PATJ: variants seen among roughly 807,000 people sequenced by gnomAD.
The protein encoded by PATJ is PATJ crumbs cell polarity complex component, also known as inaD-like protein.
Under a neutral mutation model 224.9 loss-of-function variants are expected in PATJ, and 190 were observed. That is an observed-to-expected ratio of 0.84 (90% CI 0.75 to 0.95). The LOEUF (loss-of-function observed/expected upper bound fraction) is 0.95. Among genes scored for constraint, PATJ ranks in the 40% least tolerant of loss-of-function variants. The pLI, the probability that PATJ is intolerant of heterozygous loss-of-function variation, is 0.00. For synonymous variants in PATJ, 769 were observed against 820.3 expected, an observed-to-expected ratio of 0.94 and a Z score of 1.07; for missense variants, 2,121 against 2,270.3, an observed-to-expected ratio of 0.93 and a Z score of 1.34.
chr1:61,864,223 A>G lies in PATJ; in HGVS notation c.2440-15A>G, dbSNP rs1371125782. ...CAGGCGTAACTTCACATTTTTTTGC[A>G]TCTTTTATTTATAGGGATTTAGAGA... On this transcript the variant is annotated splice_polypyrimidine_tract_variant and intron_variant, in intron 19 of 43. Coordinates refer to ENST00000642238, the MANE Select transcript of PATJ (RefSeq NM_001350145.3). 7 of 1,581,824 alleles carry G rather than the reference A, an allele frequency of 4.4e-6. No individual in the cohort carries two copies. The highest frequency in any genetic ancestry group is 1.7e-4 in the Middle Eastern group (1 of 5,852).
intron 21 of PATJ, among the ~76,000 whole-genome samples, chr1:61,877,510 G>C (rs1039962437): frequency 6.6e-6 from 1 of 151,896 alleles, no homozygotes; most frequent in Non-Finnish European, 1.5e-5. Context: ...TTTATCATGA[G>C]AGCAGATTTC....
rs148531652 is a variant in PATJ, at chr1:61,922,647, AGTCACAT to A, written c.3571-5076_3571-5070del. 8.7e-3 allele frequency among the ~76,000 whole-genome samples: 1,326 copies of A among 152,314 alleles called. 7 individuals are homozygous for A. Among genetic ancestry groups the A allele is most frequent in the Middle Eastern group, 0.017 (5 of 294 alleles). ...ATTTAGGATTTTTGTTTCTGACTTC[AGTCACAT>A]GTCACAAAAGCACTGTTTAAACTTT... On this transcript the variant is annotated intron_variant, in intron 26 of 43. Transcript: ENST00000642238.
chr1:61,957,463 CT>C (rs1485091204), intron 27 of PATJ, among the ~76,000 whole-genome samples: 1 of 151,932 alleles, frequency 6.6e-6, no homozygotes, highest in African/African-American at 2.4e-5. Flanking sequence ...TGCTTTCCGT[CT>C]TTTTTTTCTT....
intron 17 of PATJ, among the ~76,000 whole-genome samples, chr1:61,836,950 C>T (rs2811325): frequency 0.55 from 84,241 of 152,136 alleles, 24,244 homozygotes; most frequent in East Asian, 0.82. Context: ...AGAACTTTTA[C>T]GTTGTAAAGG....
chr1:62,125,532 C>T (rs1348748845), intron 39 of PATJ, among the ~76,000 whole-genome samples: 1 of 151,900 alleles, frequency 6.6e-6, no homozygotes, highest in Non-Finnish European at 1.5e-5. Flanking sequence ...CTCAAATGTT[C>T]CTATGATGGG....
chr1:61,848,431 G>T (rs1662302529), intron 17 of PATJ, among the ~76,000 whole-genome samples: 2 of 152,138 alleles, frequency 1.3e-5, no homozygotes, highest in South Asian at 4.1e-4. Context: ...CACCGAGCTT[G>T]TGCCGATCAC....
At chr1:61,937,686 TG>T in intron 27 of PATJ, among the ~76,000 whole-genome samples, 1 of 151,242 alleles carries the variant, frequency 6.6e-6, no homozygotes, top group African/African-American at 2.4e-5. Flanking sequence ...GCGTTGCTCT[TG>T]TTGCCCAGGC....
chr1:61,901,371 A>T lies in PATJ; in HGVS notation c.3293A>T (p.Glu1098Val). 6.3e-7 allele frequency: 1 copy of T among 1,587,796 alleles called. No homozygotes were observed. The highest frequency in any genetic ancestry group is 8.5e-7 in the Non-Finnish European group (1 of 1,170,752). The change falls in exon 24 of 44, where the codon GAG becomes GTG. Residue 1098 changes from glutamate (E) to valine (V), a missense_variant. Transcript: ENST00000642238. ...ATAAAACGTCTAAAGAATGGAGAGG[A>T]GCTTAAAGGTATATTCATCAAACAA... Reference protein sequence around the residue: ...TVIKRLKNGEELKGIFIKQVL... With the variant: ...TVIKRLKNGEVLKGIFIKQVL...
chr1:61,813,413 A>C (rs1655377228), intron 14 of PATJ, among the ~76,000 whole-genome samples: 1 of 146,294 alleles, frequency 6.8e-6, no homozygotes, highest in Non-Finnish European at 1.5e-5. Flanking sequence ...ACACATATAC[A>C]TATTTGTACT....
intron 29 of PATJ, 49 bp downstream of exon 29, chr1:62,017,996 ATGT>A (rs754524114): frequency 1.0e-6 from 1 of 976,904 alleles, no homozygotes; most frequent in East Asian, 2.4e-5. Flanking sequence ...TCTTCTGAAG[ATGT>A]TATTAGTGTA....
intron 27 of PATJ, among the ~76,000 whole-genome samples, chr1:61,941,159 A>G (rs886845946): frequency 6.6e-6 from 1 of 152,192 alleles, no homozygotes; most frequent in Admixed American, 6.5e-5. Flanking sequence ...ACACAGGAAA[A>G]TTTTTTGAGA....
At chr1:61,979,756 G>A (rs944404165) in intron 27 of PATJ, among the ~76,000 whole-genome samples, 1 of 152,062 alleles carries the variant, frequency 6.6e-6, no homozygotes, top group African/African-American at 2.4e-5. Flanking sequence ...ACAAACCTGT[G>A]TGGTTTTTAT....
intron 28 of PATJ, among the ~76,000 whole-genome samples, chr1:61,999,240 T>C (rs1180033597): frequency 6.6e-6 from 1 of 152,194 alleles, no homozygotes; most frequent in Non-Finnish European, 1.5e-5. Flanking sequence ...GGGCCTCCAT[T>C]TCCTCCTTTG....
At chr1:61,948,834 A>T (rs1679168254) in intron 27 of PATJ, among the ~76,000 whole-genome samples, 1 of 152,170 alleles carries the variant, frequency 6.6e-6, no homozygotes, top group African/African-American at 2.4e-5. Context: ...TCAGTGATAG[A>T]CTGGATTAAA....
At chr1:62,134,161 G>A (rs559359140) in intron 41 of PATJ, among the ~76,000 whole-genome samples, 2 of 149,928 alleles carry the variant, frequency 1.3e-5, no homozygotes, top group South Asian at 2.1e-4. Flanking sequence ...GTCTCCCCAC[G>A]TTATTCTCTT....
chr1:62,061,852 G>T (rs1374153824), intron 31 of PATJ, among the ~76,000 whole-genome samples: 2 of 151,898 alleles, frequency 1.3e-5, no homozygotes, highest in Admixed American at 1.3e-4. Context: ...GTAAAGATGG[G>T]GTTTCACCGT....
At chr1:61,932,087 C>G (rs1412617328) in intron 27 of PATJ, among the ~76,000 whole-genome samples, 1 of 152,078 alleles carries the variant, frequency 6.6e-6, no homozygotes, top group South Asian at 2.1e-4. Flanking sequence ...AATTTAGATC[C>G]ATGGCTTTCA....
At chr1:61,841,502 G>A (rs939581844) in intron 17 of PATJ, among the ~76,000 whole-genome samples, 6 of 151,770 alleles carry the variant, frequency 4.0e-5, no homozygotes, top group Non-Finnish European at 1.5e-5. Flanking sequence ...AAAATATAAA[G>A]GATAGGCATG....
intron 39 of PATJ, among the ~76,000 whole-genome samples, chr1:62,125,916 C>T (rs1052951482): frequency 3.3e-5 from 5 of 152,118 alleles, no homozygotes; most frequent in South Asian, 4.1e-4. Context: ...ATTACAGGTG[C>T]GTGCCACCAC....
Sources: gnomAD v4.1 joint callset for allele counts (sites outside exome capture counted in the v4.1 genomes callset) on GRCh38, gnomAD v4.1.1 for gene constraint, MANE v1.5 for transcripts, NCBI Gene and HGNC (gene_info 2026-07-23, HGNC 2026-07-21) for gene names.